DPYD: variants seen among roughly 807,000 people sequenced by gnomAD.
DPYD encodes the protein dihydropyrimidine dehydrogenase [NADP(+)].
DPYD carries 109 observed loss-of-function variants against 116.2 expected under a neutral mutation model. The ratio of observed to expected loss-of-function variants is 0.94; its 90% CI spans 0.80 to 1.10. The LOEUF is 1.10. DPYD is among the 50% of genes least tolerant of loss of function. The pLI is 0.00. For missense variants in DPYD, 1,302 were observed against 1,254.5 expected (o/e 1.04, Z -0.57); for synonymous variants, 440 against 432.0 (o/e 1.02, Z -0.23).
At chr1:97,324,213 T>G (rs1054251746) in intron 16 of DPYD, among the ~76,000 whole-genome samples, 1 of 152,020 alleles carries the variant, frequency 6.6e-6, no homozygotes, top group Non-Finnish European at 1.5e-5. Flanking sequence ...AGCCATCTTG[T>G]ATCCTGCCAA....
At chr1:97,755,303 CT>C (rs1665169608) in intron 3 of DPYD, among the ~76,000 whole-genome samples, 1 of 152,160 alleles carries the variant, frequency 6.6e-6, no homozygotes, top group African/African-American at 2.4e-5. Context: ...GGGCAGGCTG[CT>C]TCCCTGAATC....
chr1:97,659,179 T>C (rs944748698), intron 8 of DPYD, among the ~76,000 whole-genome samples: 2 of 152,176 alleles, frequency 1.3e-5, no homozygotes, highest in African/African-American at 4.8e-5. Flanking sequence ...TTATGTTACT[T>C]TACACCCAAT....
At chr1:97,638,384 T>C (rs1199821738) in intron 8 of DPYD, among the ~76,000 whole-genome samples, 2 of 152,070 alleles carry the variant, frequency 1.3e-5, no homozygotes, top group Admixed American at 6.6e-5. Context: ...CACATGTGGG[T>C]ACTTGTGGCA....
intron 11 of DPYD, among the ~76,000 whole-genome samples, chr1:97,560,760 A>G (rs988045389): frequency 1.3e-5 from 2 of 152,164 alleles, no homozygotes; most frequent in African/African-American, 4.8e-5. Context: ...AGAGACTAGT[A>G]CAAGATGAGG....
intron 5 of DPYD, among the ~76,000 whole-genome samples, chr1:97,710,713 C>T (rs186592762): frequency 6.0e-4 from 90 of 150,488 alleles, no homozygotes; most frequent in African/African-American, 2.2e-3. Context: ...GTCCTAGACA[C>T]CAGTATGAAA....
chr1:97,432,000 T>C (rs1675203981), intron 14 of DPYD, among the ~76,000 whole-genome samples: 1 of 152,162 alleles, frequency 6.6e-6, no homozygotes, highest in Admixed American at 6.6e-5. Context: ...CTTGACACAA[T>C]GTTCTCCGGT....
chr1:97,528,201 G>A (rs1370727556), intron 12 of DPYD, among the ~76,000 whole-genome samples: 1 of 152,060 alleles, frequency 6.6e-6, no homozygotes, highest in African/African-American at 2.4e-5. Flanking sequence ...ATGATGGAAA[G>A]GCCTAGCTCC....
chr1:97,157,283 TA>T (rs1341629865), intron 20 of DPYD, among the ~76,000 whole-genome samples: 6 of 148,870 alleles, frequency 4.0e-5, no homozygotes, highest in African/African-American at 1.3e-4. Context: ...AAAATAAAAT[TA>T]AAAAAACCCC....
intron 14 of DPYD, among the ~76,000 whole-genome samples, chr1:97,436,794 T>G (rs936566679): frequency 1.3e-5 from 2 of 151,956 alleles, no homozygotes; most frequent in Non-Finnish European, 2.9e-5. Context: ...CATGACTCAG[T>G]ATCAAAGTGA....
intron 3 of DPYD, among the ~76,000 whole-genome samples, chr1:97,823,258 CA>C (rs1465961388): frequency 6.6e-6 from 1 of 151,950 alleles, no homozygotes; most frequent in Non-Finnish European, 1.5e-5. Flanking sequence ...CGGTTCATGC[CA>C]TTCTCCTGCC....
intron 18 of DPYD, among the ~76,000 whole-genome samples, chr1:97,279,073 A>G (rs181532460): frequency 6.6e-6 from 1 of 152,242 alleles, no homozygotes; most frequent in Non-Finnish European, 1.5e-5. Flanking sequence ...AGTATATTGC[A>G]TGATGCTGAA....
chr1:97,523,834 AG>A (rs1488720261), intron 12 of DPYD, among the ~76,000 whole-genome samples: 1 of 152,136 alleles, frequency 6.6e-6, no homozygotes, highest in African/African-American at 2.4e-5. Flanking sequence ...AGGGAGACAG[AG>A]GGGGAAATGA....
intron 4 of DPYD, among the ~76,000 whole-genome samples, chr1:97,725,397 T>C (rs1483338299): frequency 6.6e-6 from 1 of 151,566 alleles, no homozygotes; most frequent in Non-Finnish European, 1.5e-5. Context: ...ATCTAAAATT[T>C]CAATACAATC....
chr1:97,693,837 A>T (rs551972429), intron 6 of DPYD, among the ~76,000 whole-genome samples: 3 of 152,318 alleles, frequency 2.0e-5, no homozygotes, highest in African/African-American at 4.8e-5. Context: ...GATGTTAAGT[A>T]GAAGCACATG....
intron 13 of DPYD, among the ~76,000 whole-genome samples, chr1:97,481,461 G>A (rs772126345): frequency 6.6e-5 from 10 of 151,960 alleles, no homozygotes; most frequent in Non-Finnish European, 1.5e-4. Flanking sequence ...CTATTCTAGA[G>A]AAATTATAGT....
intron 20 of DPYD, among the ~76,000 whole-genome samples, chr1:97,104,261 T>A (rs1428238216): frequency 6.6e-6 from 1 of 152,128 alleles, no homozygotes; most frequent in Non-Finnish European, 1.5e-5. Context: ...ATTTACAAAA[T>A]CTTTCTGGTT....
At chr1:97,838,987 C>T (rs1321221823) in intron 2 of DPYD, among the ~76,000 whole-genome samples, 2 of 152,174 alleles carry the variant, frequency 1.3e-5, no homozygotes, top group Non-Finnish European at 2.9e-5. Context: ...CCGTGATTTC[C>T]GCAGATCCTC....
chr1:97,084,792 G>C (rs1025373800), intron 21 of DPYD, among the ~76,000 whole-genome samples: 4 of 152,086 alleles, frequency 2.6e-5, no homozygotes, highest in Non-Finnish European at 5.9e-5. Flanking sequence ...TCATGTTATG[G>C]ATATTTTCTA....
chr1:97,411,569 A>G (rs1237202667), intron 14 of DPYD, among the ~76,000 whole-genome samples: 2 of 152,228 alleles, frequency 1.3e-5, no homozygotes, highest in Non-Finnish European at 2.9e-5. Context: ...ACTTAGGATA[A>G]TGATTAATGA....
Sources: allele counts gnomAD v4.1 joint callset (sites outside exome capture counted in the v4.1 genomes callset), GRCh38; gene constraint gnomAD v4.1.1; transcripts MANE v1.5; gene names NCBI Gene and HGNC (gene_info 2026-07-23, HGNC 2026-07-21).